CAST: variants seen among roughly 807,000 people sequenced by gnomAD.
The protein encoded by CAST is MIR583 host.
A neutral mutation model predicts 119.6 loss-of-function variants in CAST; 76 were observed. The ratio of observed to expected loss-of-function variants is 0.64; its 90% CI spans 0.53 to 0.77. The LOEUF is 0.77. Among genes scored for constraint, CAST ranks in the 30% least tolerant of loss-of-function variants. The pLI, the probability that CAST is intolerant of heterozygous loss-of-function variation, is 0.00. For synonymous variants in CAST, 319 were observed against 331.6 expected (o/e 0.96, Z 0.41); for missense variants, 953 against 946.5 (o/e 1.01, Z -0.09).
the CAST span, among the ~76,000 whole-genome samples, chr5:96,139,461 G>A: frequency 8.7e-5 from 13 of 149,184 alleles, no homozygotes; most frequent in Admixed American, 7.4e-4. Context: ...AAAAAGTTGG[G>A]GTAGTATAGC....
intron 1 of CAST, among the ~76,000 whole-genome samples, chr5:96,563,657 A>AG (rs1247405496): frequency 6.2e-5 from 7 of 112,052 alleles, no homozygotes; most frequent in Non-Finnish European, 7.9e-5. Context: ...CTTATAAAAA[A>AG]AAAGCATTCT....
chr5:96,721,541 C>T (rs528719097), intron 3 of CAST, among the ~76,000 whole-genome samples: 4 of 152,208 alleles, frequency 2.6e-5, no homozygotes, highest in African/African-American at 9.6e-5. Flanking sequence ...ATTAGGGACA[C>T]AGTGAGGTCC....
the CAST span, among the ~76,000 whole-genome samples, chr5:96,470,602 T>C: frequency 6.6e-6 from 1 of 152,188 alleles, no homozygotes; most frequent in East Asian, 1.9e-4. Context: ...CTGAATTTAA[T>C]TAAGTCCTTG....
At chr5:96,035,243 T>C in the CAST span, among the ~76,000 whole-genome samples, 1 of 148,406 alleles carries the variant, frequency 6.7e-6, no homozygotes, top group African/African-American at 2.5e-5. Context: ...CAAAACAGTA[T>C]GTTGTACACA....
chr5:96,423,761 A>G, the CAST span, among the ~76,000 whole-genome samples: 1 of 152,210 alleles, frequency 6.6e-6, no homozygotes, highest in South Asian at 2.1e-4. Flanking sequence ...TTTCATTTAT[A>G]ATAACATGCT....
the CAST span, among the ~76,000 whole-genome samples, chr5:96,370,067 T>C: frequency 2.7e-3 from 404 of 152,154 alleles, 2 homozygotes; most frequent in African/African-American, 9.4e-3. Flanking sequence ...TAAAAGAGGA[T>C]CTGAATGGCT....
the CAST span, chr5:96,247,635 G>C: frequency 3.3e-5 from 5 of 152,348 alleles, no homozygotes; most frequent in East Asian, 9.6e-4. Flanking sequence ...ACTGGGTCCT[G>C]AGTTACAGCA....
At chr5:96,388,896 T>TAC in the CAST span, among the ~76,000 whole-genome samples, 2 of 151,934 alleles carry the variant, frequency 1.3e-5, no homozygotes, top group Non-Finnish European at 2.9e-5. Flanking sequence ...TACATATATA[T>TAC]ACACACACAC....
At chr5:96,168,778 G>A in the CAST span, among the ~76,000 whole-genome samples, 37,654 of 151,970 alleles carry the variant, frequency 0.25, 4,754 homozygotes, top group East Asian at 0.33. Context: ...ATTAAAGTCC[G>A]GGCCAGGAAC....
At chr5:96,772,590 A>C (rs1315080425) in intron 31 of CAST, 50 bp from the exon 32 acceptor site, 1 of 152,758 alleles carries the variant, frequency 6.5e-6, no homozygotes. Context: ...CTGTAACAAG[A>C]AAATTACATA....
At chr5:96,214,686 C>T in the CAST span, among the ~76,000 whole-genome samples, 108 of 152,128 alleles carry the variant, frequency 7.1e-4, no homozygotes, top group African/African-American at 2.4e-3. Context: ...AAAATTAAAA[C>T]GTAAAAACAA....
At chr5:96,147,193 C>A in the CAST span, among the ~76,000 whole-genome samples, 2 of 152,180 alleles carry the variant, frequency 1.3e-5, no homozygotes, top group Non-Finnish European at 2.9e-5. Context: ...TATTTATTAT[C>A]ATCTGTGAAT....
chr5:96,602,436 A>G (rs1747172614), intron 1 of CAST, among the ~76,000 whole-genome samples: 1 of 152,188 alleles, frequency 6.6e-6, no homozygotes, highest in African/African-American at 2.4e-5. Flanking sequence ...CTGTATTAGG[A>G]TAAATATTAT....
chr5:96,065,997 A>G, the CAST span, among the ~76,000 whole-genome samples: 1 of 152,190 alleles, frequency 6.6e-6, no homozygotes, highest in Non-Finnish European at 1.5e-5. Flanking sequence ...CTAAGAGTGT[A>G]ATGAGGAAGA....
the CAST span, among the ~76,000 whole-genome samples, chr5:96,060,617 C>A: frequency 6.6e-6 from 1 of 152,048 alleles, no homozygotes; most frequent in Non-Finnish European, 1.5e-5. Context: ...ATATAAAAGG[C>A]ACCCATCTCT....
the CAST span, among the ~76,000 whole-genome samples, chr5:96,422,617 C>A: frequency 9.9e-5 from 15 of 152,216 alleles, no homozygotes; most frequent in African/African-American, 3.6e-4. Flanking sequence ...TACTATTTTT[C>A]CTTCTCTTTT....
chr5:96,190,194 C>T, the CAST span, among the ~76,000 whole-genome samples: 3,888 of 152,212 alleles, frequency 0.026, 177 homozygotes, highest in African/African-American at 0.09. Flanking sequence ...GGAACTAGGC[C>T]TGTCTCTAGT....
the CAST span, among the ~76,000 whole-genome samples, chr5:96,044,545 A>T: frequency 6.6e-6 from 1 of 152,196 alleles, no homozygotes; most frequent in East Asian, 1.9e-4. Flanking sequence ...GCCTGAACAG[A>T]CTAAGATAAG....
chr5:96,409,868 C>T, the CAST span, among the ~76,000 whole-genome samples: 1 of 152,222 alleles, frequency 6.6e-6, no homozygotes, highest in Admixed American at 6.5e-5. Flanking sequence ...TCTAAACTAG[C>T]TTGCAGAAGT....
Sources: gnomAD v4.1 joint callset for allele counts (sites outside exome capture counted in the v4.1 genomes callset) on GRCh38, gnomAD v4.1.1 for gene constraint, MANE v1.5 for transcripts, NCBI Gene and HGNC (gene_info 2026-07-23, HGNC 2026-07-21) for gene names.